CHST6: variants seen among roughly 807,000 people sequenced by gnomAD.
CHST6 encodes carbohydrate sulfotransferase 6.
For missense variants in CHST6, 698 were observed against 586.2 expected (o/e 1.19, Z -1.97); for synonymous variants, 309 against 276.4 (o/e 1.12, Z -1.17).
chr16:75,486,242 C>A (rs2080196500), intron 1 of CHST6, among the ~76,000 whole-genome samples: 1 of 152,266 alleles, frequency 6.6e-6, no homozygotes. Context: ...CTGTGAGCAA[C>A]CCGGAACTTT....
Position 75,479,844 on chromosome 16 carries a change from C to T in CHST6, c.-16G>A. 1 of 1,546,442 alleles carries T rather than the reference C, an allele frequency of 6.5e-7. No individual in the cohort carries two copies. Among genetic ancestry groups the T allele is most frequent in the Non-Finnish European group, 8.7e-7 (1 of 1,148,646 alleles). ...GCAGCCACATGCTGACTGCTGGGGG[C>T]CTTAGGGAGGAGAGCGCAGCGGTTA... On this transcript the variant is annotated splice_region_variant and 5_prime_UTR_variant, in exon 3 of 3. Coordinates refer to ENST00000332272, the MANE Select transcript of CHST6 (RefSeq NM_021615.5).
At chr16:75,486,523 C>A (rs920118927) in intron 1 of CHST6, among the ~76,000 whole-genome samples, 7 of 152,252 alleles carry the variant, frequency 4.6e-5, no homozygotes, top group Non-Finnish European at 7.3e-5. Context: ...ACCCTGCCCC[C>A]CCAGCCCACA....
chr16:75,482,286 T>C (rs896817465), intron 1 of CHST6, among the ~76,000 whole-genome samples: 4 of 152,190 alleles, frequency 2.6e-5, no homozygotes, highest in African/African-American at 4.8e-5. Flanking sequence ...TGGAGGTTCA[T>C]GCTGGTAATC....
At position 75,472,850 on chromosome 16, in the gene CHST6, G is replaced by A. The variant is rs1192406439; in HGVS notation, c.*5791C>T. On this transcript the variant is annotated 3_prime_UTR_variant, in exon 3 of 3. Coordinates refer to ENST00000332272, the MANE Select transcript of CHST6 (RefSeq NM_021615.5). ...CAACACTGTTTCTATGCACCCATCA[G>A]CCCATCTAGTGCTTTGATTGCCCCT... The A allele has an allele frequency of 1.3e-5, 2 of 152,204 alleles. No homozygotes were observed. Among genetic ancestry groups the A allele is most frequent in the Non-Finnish European group, 2.9e-5 (2 of 68,044 alleles). 9.4% of individuals were successfully genotyped at this position (152,204 alleles called of 1,614,324 possible).
At chr16:75,489,398 CAA>C (rs901241278) in intron 1 of CHST6, among the ~76,000 whole-genome samples, 4,317 of 57,958 alleles carry the variant, frequency 0.074, 62 homozygotes, top group Admixed American at 0.12. Flanking sequence ...GACTCTGTCT[CAA>C]AAAAAAAAAA....
At chr16:75,481,771 G>C (rs749832523) in intron 2 of CHST6, 46 bp downstream of exon 2, 6 of 473,890 alleles carry the variant, frequency 1.3e-5, no homozygotes, top group Non-Finnish European at 2.1e-5. Flanking sequence ...CAGAGAAGCA[G>C]AGAGGTGAGA....
At position 75,476,674 on chromosome 16, in the gene CHST6, G is replaced by A. The variant is rs42967; in HGVS notation, c.*1967C>T. ...TGAAAAAGTGGGCCCTCATCAGACA[G>A]CACTGGTGGCTTGATCTTGGACTTC... On this transcript the variant is annotated 3_prime_UTR_variant, in exon 3 of 3. Transcript: ENST00000332272. The A allele has an allele frequency of 0.98, 147,981 of 151,334 alleles. 72,457 individuals carry two copies. Among genetic ancestry groups the A allele is most frequent in the Middle Eastern group, 1 (294 of 294 alleles). The allele number at this position is 151,334 out of a possible 1,614,324, so 9.4% of individuals were successfully genotyped here.
At chr16:75,492,865 A>C (rs538631822) in intron 1 of CHST6, among the ~76,000 whole-genome samples, 38 of 152,254 alleles carry the variant, frequency 2.5e-4, no homozygotes, top group South Asian at 4.1e-4. Flanking sequence ...AAACAAAAAC[A>C]AAAACCAAAA....
chr16:75,479,114 G>T lies in CHST6; in HGVS notation c.715C>A (p.Leu239Met), dbSNP rs756320893. The change falls in exon 3 of 3, where the codon CTG becomes ATG. Residue 239 changes from leucine (L) to methionine (M), a missense_variant. Coordinates refer to ENST00000332272, the MANE Select transcript of CHST6 (RefSeq NM_021615.5). ...NGTWVEADPGLRVVREVCRSH... is the reference protein window; with the variant it reads ...NGTWVEADPGMRVVREVCRSH... ...CGGCACACCTCGCGCACCACGCGCA[G>T]GCCGGGGTCGGCCTCCACCCACGTG... 1.2e-6 allele frequency: 2 copies of T among 1,605,168 alleles called. No homozygotes were observed. Among genetic ancestry groups the T allele is most frequent in the Non-Finnish European group, 1.7e-6 (2 of 1,178,688 alleles).
At chr16:75,487,967 G>T (rs985023201) in intron 1 of CHST6, among the ~76,000 whole-genome samples, 1 of 152,008 alleles carries the variant, frequency 6.6e-6, no homozygotes, top group Admixed American at 6.6e-5. Context: ...CTGCACTCTA[G>T]CCTGGCAACA....
chr16:75,482,626 G>A (rs2080154562), intron 1 of CHST6, among the ~76,000 whole-genome samples: 1 of 152,178 alleles, frequency 6.6e-6, no homozygotes, highest in South Asian at 2.1e-4. Flanking sequence ...AGGTCCCAAA[G>A]TGTTCTTCTG....
rs2080085418 is a variant in CHST6 at position 75,478,059 on chromosome 16, A to G, written c.*582T>C. ...GCTTGCTCTTCCCTAAAGCAATTAA[A>G]ATAGGAAAATCTGACCCTTCTCACC... On this transcript the variant is annotated 3_prime_UTR_variant, in exon 3 of 3. Coordinates refer to ENST00000332272, the MANE Select transcript of CHST6 (RefSeq NM_021615.5). 6.0e-6 allele frequency: 1 copy of G among 166,608 alleles called. No individual in the cohort carries two copies. The highest frequency in any genetic ancestry group is 5.5e-5 in the Admixed American group (1 of 18,098). 10.3% of individuals were successfully genotyped at this position (166,608 alleles called of 1,614,324 possible). A position where few individuals can be genotyped will look rare whatever the true frequency, so the allele number is the denominator to read the frequency against.
intron 1 of CHST6, among the ~76,000 whole-genome samples, chr16:75,487,955 C>T (rs1029169038): frequency 1.3e-5 from 2 of 151,828 alleles, no homozygotes; most frequent in African/African-American, 4.8e-5. Context: ...CAGATCATGC[C>T]ACTGCACTCT....
At position 75,479,301 on chromosome 16, in the gene CHST6, C is replaced by T. The variant is rs371934938; in HGVS notation, c.528G>A (p.Val176=). The change falls in exon 3 of 3, where the codon GTG becomes GTA. Residue 176 remains valine (V), a synonymous_variant. Coordinates refer to ENST00000332272, the MANE Select transcript of CHST6 (RefSeq NM_021615.5). ...AGAGCACCTGCAGGTTGAAGAAGCG[C>T]ACCTCCTTGAGCACCACGTGGCTGT... ...RSYSHVVLKE[V]RFFNLQVLYP... 6.2e-6 allele frequency: 10 copies of T among 1,613,158 alleles called. No homozygotes were observed. The African/African-American group carries it at 1.3e-4, about 22-fold the overall frequency.
rs1296829882 is a variant in CHST6 at position 75,473,743 on chromosome 16, CTGT to C, written c.*4895_*4897del. ...GTTTACCACCTTTGGAAGCCTAAAA[CTGT>C]TGTCCTTGGTCATCCTATCTCTACA... is the stretch of plus-strand genomic sequence containing the variant. On this transcript the variant is annotated 3_prime_UTR_variant, in exon 3 of 3. Transcript: ENST00000332272. 1 of 152,188 alleles carries C rather than the reference CTGT, an allele frequency of 6.6e-6. No homozygotes were observed. The highest frequency in any genetic ancestry group is 1.5e-5 in the Non-Finnish European group (1 of 68,040). The allele number at this position is 152,188 out of a possible 1,614,324, so 9.4% of individuals were successfully genotyped here.
In CHST6 at chr16:75,479,219, G is replaced by A. The variant is rs2080106728; in HGVS notation, c.610C>T (p.Pro204Ser). 6.2e-7 allele frequency: 1 copy of A among 1,610,318 alleles called. No homozygotes were observed. Among genetic ancestry groups the A allele is most frequent in the South Asian group, 1.1e-5 (1 of 91,046 alleles). ...TCCCGGGAGCGCAGCACGGCCCGCGGGTCGCGCACCAGGTGCACGATGCGT... is the reference window on the plus strand; with the variant it reads ...TCCCGGGAGCGCAGCACGGCCCGCGAGTCGCGCACCAGGTGCACGATGCGT... ...NLRIVHLVRD[P>S]RAVLRSREQT... The change falls in exon 3 of 3, where the codon CCG (proline) becomes TCG (serine). Residue 204 changes from proline (P) to serine (S), a missense_variant. Transcript: ENST00000332272.
intron 1 of CHST6, among the ~76,000 whole-genome samples, chr16:75,486,544 G>A (rs910974227): frequency 1.3e-5 from 2 of 152,092 alleles, no homozygotes; most frequent in Non-Finnish European, 2.9e-5. Context: ...CAGAACTATT[G>A]GCCTAGGAAT....
intron 1 of CHST6, among the ~76,000 whole-genome samples, chr16:75,491,190 A>AAAAAAATTATATATATAT (rs1206595857): frequency 2.0e-5 from 1 of 50,076 alleles, no homozygotes; most frequent in African/African-American, 1.1e-4. Flanking sequence ...AAAAAAAAAA[A>AAAAAAATTATATATATAT]ATATATATAT....
rs186166249 is a variant in CHST6, at chr16:75,484,212, C to T, written c.-91-2321G>A. On this transcript the variant is annotated intron_variant, in intron 1 of 2. Coordinates refer to ENST00000332272, the MANE Select transcript of CHST6 (RefSeq NM_021615.5). The stretch of plus-strand genomic sequence containing the variant: ...AATAGCCAGGCATGATGGCAGGCAC[C>T]TGTAGTCCCAGCTACTCGGGAGGCT... 6.6e-5 allele frequency among the ~76,000 whole-genome samples: 10 copies of T among 152,158 alleles called. No individual in the cohort carries two copies. In the East Asian group the frequency reaches 1.5e-3, roughly 24 times the overall value.
Sources: allele counts gnomAD v4.1 joint callset (sites outside exome capture counted in the v4.1 genomes callset), GRCh38; gene constraint gnomAD v4.1.1; transcripts MANE v1.5; gene names NCBI Gene and HGNC (gene_info 2026-07-23, HGNC 2026-07-21).